RABGAP1L: variants seen among roughly 807,000 people sequenced by gnomAD.
RABGAP1L encodes RAB GTPase activating protein 1 like, also known as rab GTPase-activating protein 1-like.
RABGAP1L carries 63 observed loss-of-function variants against 137.7 expected under a neutral mutation model. The ratio of observed to expected loss-of-function variants is 0.46; its 90% CI spans 0.37 to 0.56. The LOEUF is 0.56. RABGAP1L is among the 20% of genes least tolerant of loss of function. The pLI is 0.00. For missense variants in RABGAP1L, 1,095 were observed against 1,244.0 expected (o/e 0.88, Z 1.80); for synonymous variants, 431 against 433.7 (o/e 0.99, Z 0.08).
intron 13 of RABGAP1L, among the ~76,000 whole-genome samples, chr1:174,499,495 G>A (rs1345965503): frequency 6.6e-6 from 1 of 152,080 alleles, no homozygotes; most frequent in Non-Finnish European, 1.5e-5. Context: ...ATATAGTATT[G>A]GAAAGCTTGG....
intron 1 of RABGAP1L, among the ~76,000 whole-genome samples, chr1:174,189,693 A>T (rs61828571): frequency 0.089 from 13,623 of 152,230 alleles, 827 homozygotes; most frequent in East Asian, 0.22. Flanking sequence ...AAGGGGCTGG[A>T]TGCAGTAGCT....
chr1:174,238,282 C>T (rs955034553), intron 4 of RABGAP1L, among the ~76,000 whole-genome samples: 2 of 152,206 alleles, frequency 1.3e-5, no homozygotes, highest in African/African-American at 4.8e-5. Flanking sequence ...GTCAGTCATT[C>T]TCCATCCAGG....
chr1:174,508,959 T>TATAAA, intron 13 of RABGAP1L, among the ~76,000 whole-genome samples: 1 of 152,308 alleles, frequency 6.6e-6, no homozygotes, highest in East Asian at 1.9e-4. Flanking sequence ...TTTATGGTGG[T>TATAAA]GTAGTATTAT....
chr1:174,907,313 GT>G (rs1659257287), intron 19 of RABGAP1L, among the ~76,000 whole-genome samples: 1 of 151,938 alleles, frequency 6.6e-6, no homozygotes, highest in Non-Finnish European at 1.5e-5. Flanking sequence ...AAGATAAGTT[GT>G]CTTTTTAATT....
intron 13 of RABGAP1L, among the ~76,000 whole-genome samples, chr1:174,597,228 T>G (rs1183854953): frequency 6.6e-6 from 1 of 152,196 alleles, no homozygotes; most frequent in Non-Finnish European, 1.5e-5. Flanking sequence ...AATACTGCCC[T>G]CATAGAATGA....
At chr1:174,379,099 A>T (rs965782745) in intron 12 of RABGAP1L, among the ~76,000 whole-genome samples, 1 of 142,822 alleles carries the variant, frequency 7.0e-6, no homozygotes, top group Non-Finnish European at 1.5e-5. Context: ...ATAGTTGTAG[A>T]TATGCGGCGT....
At chr1:174,817,700 C>G (rs1367510689) in intron 19 of RABGAP1L, among the ~76,000 whole-genome samples, 2 of 152,102 alleles carry the variant, frequency 1.3e-5, no homozygotes, top group African/African-American at 4.8e-5. Context: ...GAAGGTCATT[C>G]TGGTTGCTGT....
chr1:174,615,727 C>A (rs1485792468), intron 13 of RABGAP1L, among the ~76,000 whole-genome samples: 1 of 152,190 alleles, frequency 6.6e-6, no homozygotes, highest in Non-Finnish European at 1.5e-5. Context: ...GTGGTGGGCT[C>A]CATCCAGTTC....
At chr1:174,675,605 G>GT (rs1677562777) in intron 14 of RABGAP1L, among the ~76,000 whole-genome samples, 1 of 152,022 alleles carries the variant, frequency 6.6e-6, no homozygotes, top group Admixed American at 6.6e-5. Context: ...CTTTAAAGTA[G>GT]TTTTTTCCAA....
intron 1 of RABGAP1L, among the ~76,000 whole-genome samples, chr1:174,217,304 TAGAG>T (rs1376108575): frequency 6.6e-6 from 1 of 152,092 alleles, no homozygotes; most frequent in Non-Finnish European, 1.5e-5. Context: ...AAATATCAAG[TAGAG>T]AGGTGAATTT....
At chr1:174,870,445 A>G (rs1168316458) in intron 19 of RABGAP1L, among the ~76,000 whole-genome samples, 3 of 152,208 alleles carry the variant, frequency 2.0e-5, no homozygotes, top group Non-Finnish European at 4.4e-5. Context: ...AGGAGACATC[A>G]GTGTTTGAGA....
rs186208644 is a variant in RABGAP1L, at chr1:174,498,375, A to G, written c.1710+104230A>G. The stretch of plus-strand genomic sequence containing the variant: ...TTGTTGAATTCAAATTGGTTTTACA[A>G]GCTTCATTTTAATGATTTGTTATTA... On this transcript the variant is annotated intron_variant, in intron 13 of 25. Transcript: ENST00000681986. Among the ~76,000 whole-genome samples the G allele has an allele frequency of 1.9e-3, 297 of 152,324 alleles. 1 individual carries two copies. Among genetic ancestry groups the G allele is most frequent in the African/African-American group, 6.8e-3 (281 of 41,580 alleles).
At chr1:174,874,501 C>T (rs879062989) in intron 19 of RABGAP1L, 1 of 983,946 alleles carries the variant, frequency 1.0e-6, no homozygotes, top group South Asian at 4.7e-5. Context: ...TGATACTCTT[C>T]TCCTGGTAAG....
intron 12 of RABGAP1L, among the ~76,000 whole-genome samples, chr1:174,388,877 TTGAG>T (rs1361403590): frequency 2.0e-5 from 3 of 152,110 alleles, no homozygotes; most frequent in Non-Finnish European, 4.4e-5. Context: ...TTCTTTTTTA[TTGAG>T]TAAGAGAAAA....
At chr1:174,481,513 A>G (rs919636726) in intron 13 of RABGAP1L, among the ~76,000 whole-genome samples, 17 of 152,122 alleles carry the variant, frequency 1.1e-4, no homozygotes, top group Non-Finnish European at 1.9e-4. Flanking sequence ...TTCCCTTTAA[A>G]TCTTTGAGCT....
chr1:174,847,056 CT>C (rs1161852881), intron 19 of RABGAP1L, among the ~76,000 whole-genome samples: 2 of 119,764 alleles, frequency 1.7e-5, no homozygotes, highest in Non-Finnish European at 3.6e-5. Context: ...CAACCCCTGC[CT>C]TTTTTTGTTT....
chr1:174,222,180 A>G (rs954159169), intron 3 of RABGAP1L, among the ~76,000 whole-genome samples: 2 of 152,144 alleles, frequency 1.3e-5, no homozygotes, highest in Non-Finnish European at 2.9e-5. Flanking sequence ...CTCTGATTGG[A>G]CCAGTGAAAC....
chr1:174,928,097 C>T (rs371979746), intron 19 of RABGAP1L, among the ~76,000 whole-genome samples: 3 of 152,324 alleles, frequency 2.0e-5, no homozygotes, highest in East Asian at 3.9e-4. Flanking sequence ...CCTTCTCCAG[C>T]CTTGCAGGCC....
chr1:174,708,869 G>T (rs976121256), intron 17 of RABGAP1L, among the ~76,000 whole-genome samples: 2 of 152,170 alleles, frequency 1.3e-5, no homozygotes, highest in Non-Finnish European at 2.9e-5. Flanking sequence ...GAGTTGAGTG[G>T]TCTGTCTCAG....
Sources: allele counts gnomAD v4.1 joint callset (sites outside exome capture counted in the v4.1 genomes callset), GRCh38; gene constraint gnomAD v4.1.1; transcripts MANE v1.5; gene names NCBI Gene and HGNC (gene_info 2026-07-23, HGNC 2026-07-21).